UST: variants seen among roughly 807,000 people sequenced by gnomAD.
The protein encoded by UST is chondroitin sulfate 2-O-sulfotransferase.
UST carries 21 observed loss-of-function variants against 45.6 expected under a neutral mutation model. That is an observed-to-expected ratio of 0.46 (90% CI 0.33 to 0.66). UST has a LOEUF of 0.66. Among genes scored for constraint, UST ranks in the 30% least tolerant of loss-of-function variants. UST has a pLI of 0.02. For missense variants in UST, 463 were observed against 512.4 expected (o/e 0.90, Z 0.93); for synonymous variants, 215 against 200.6 (o/e 1.07, Z -0.61).
intron 1 of UST, among the ~76,000 whole-genome samples, chr6:148,771,899 C>T (rs1436059498): frequency 1.3e-5 from 2 of 152,172 alleles, no homozygotes; most frequent in African/African-American, 4.8e-5. Context: ...TGCACACTAG[C>T]TCATTGGGAA....
At chr6:148,770,502 T>C (rs1776404302) in intron 1 of UST, among the ~76,000 whole-genome samples, 1 of 151,990 alleles carries the variant, frequency 6.6e-6, no homozygotes, top group Non-Finnish European at 1.5e-5. Flanking sequence ...ACTTGTACGT[T>C]ACACTAACTG....
chr6:148,956,577 A>C (rs1156774515), intron 4 of UST, among the ~76,000 whole-genome samples: 3 of 152,196 alleles, frequency 2.0e-5, no homozygotes, highest in Non-Finnish European at 4.4e-5. Flanking sequence ...ACGGAGCCAA[A>C]ACATATCAGA....
intron 2 of UST, among the ~76,000 whole-genome samples, chr6:148,939,638 A>G (rs1780087616): frequency 6.6e-6 from 1 of 152,184 alleles, no homozygotes; most frequent in Non-Finnish European, 1.5e-5. Flanking sequence ...TTTTCAACAA[A>G]TGGTGCTGTG....
intron 4 of UST, chr6:148,955,988 T>C (rs1220774385): frequency 6.6e-6 from 1 of 152,234 alleles, no homozygotes; most frequent in Non-Finnish European, 1.5e-5. Flanking sequence ...CATTTAATTC[T>C]GAAAGGAAAA....
chr6:148,895,052 GTGAT>G (rs958880584), intron 2 of UST, among the ~76,000 whole-genome samples: 3 of 152,030 alleles, frequency 2.0e-5, no homozygotes, highest in African/African-American at 7.2e-5. Flanking sequence ...TCTTGACCTT[GTGAT>G]CCACCCACCT....
intron 2 of UST, among the ~76,000 whole-genome samples, chr6:148,888,258 G>A (rs537371917): frequency 3.3e-5 from 5 of 152,032 alleles, no homozygotes; most frequent in African/African-American, 4.8e-5. Context: ...ACTCACTGTC[G>A]CCATGACAGC....
At chr6:148,775,040 C>A (rs1320289941) in intron 1 of UST, among the ~76,000 whole-genome samples, 1 of 151,932 alleles carries the variant, frequency 6.6e-6, no homozygotes, top group African/African-American at 2.4e-5. Context: ...AAAAAGAGTG[C>A]ATGAAAGAAA....
At chr6:148,876,085 G>C (rs1032714675) in intron 1 of UST, among the ~76,000 whole-genome samples, 2 of 152,198 alleles carry the variant, frequency 1.3e-5, no homozygotes, top group Non-Finnish European at 2.9e-5. Flanking sequence ...AGGCTGTACA[G>C]AAAGTATGGT....
At chr6:149,046,826 C>G (rs1776404309) in intron 7 of UST, among the ~76,000 whole-genome samples, 1 of 152,182 alleles carries the variant, frequency 6.6e-6, no homozygotes, top group African/African-American at 2.4e-5. Flanking sequence ...ACAATTGTTC[C>G]AAAGTCTCTC....
intron 7 of UST, among the ~76,000 whole-genome samples, chr6:149,072,482 C>T (rs1419845501): frequency 6.6e-6 from 1 of 151,832 alleles, no homozygotes; most frequent in African/African-American, 2.4e-5. Flanking sequence ...GGAGAAACCC[C>T]ATCTCTACTA....
In UST at chr6:148,814,037, C is replaced by T. The variant is rs555758808; in HGVS notation, c.247+66360C>T. Reference sequence around the variant, plus strand: ...CCCATCTGGATGCATTTACACGATGCACTTTCCATCATTTCAAAATTTATT... The same window carrying T: ...CCCATCTGGATGCATTTACACGATGTACTTTCCATCATTTCAAAATTTATT... On this transcript the variant is annotated intron_variant, in intron 1 of 7. Transcript: ENST00000367463. 1.5e-3 allele frequency among the ~76,000 whole-genome samples: 232 copies of T among 152,290 alleles called. 3 individuals are homozygous for T. The highest frequency in any genetic ancestry group is 5.4e-3 in the African/African-American group (223 of 41,544).
chr6:148,797,581 A>G (rs545715881), intron 1 of UST, among the ~76,000 whole-genome samples: 85 of 152,330 alleles, frequency 5.6e-4, no homozygotes, highest in Admixed American at 1.6e-3. Flanking sequence ...GAAGACAGTA[A>G]GAAAAGTGAG....
intron 7 of UST, among the ~76,000 whole-genome samples, chr6:149,050,428 G>C (rs1400345015): frequency 6.6e-6 from 1 of 152,166 alleles, no homozygotes; most frequent in African/African-American, 2.4e-5. Flanking sequence ...AAGTCTTCAT[G>C]CTGTGATATC....
intron 7 of UST, among the ~76,000 whole-genome samples, chr6:149,059,434 CT>C (rs1776620705): frequency 6.6e-6 from 1 of 152,228 alleles, no homozygotes; most frequent in Admixed American, 6.5e-5. Context: ...TCAATGCCAC[CT>C]CCTTGTGATC....
intron 3 of UST, among the ~76,000 whole-genome samples, chr6:148,952,544 A>G (rs999223828): frequency 2.6e-5 from 4 of 152,352 alleles, no homozygotes; most frequent in South Asian, 2.1e-4. Context: ...AGCGTGTACT[A>G]GTTGGAGTTA....
At chr6:149,006,653 A>C (rs1205682648) in intron 5 of UST, among the ~76,000 whole-genome samples, 1 of 152,144 alleles carries the variant, frequency 6.6e-6, no homozygotes, top group Non-Finnish European at 1.5e-5. Context: ...CTGGTTGTAG[A>C]TCTTTGAGGA....
chr6:148,984,449 T>G (rs914647231), intron 5 of UST, among the ~76,000 whole-genome samples: 2 of 152,246 alleles, frequency 1.3e-5, no homozygotes, highest in African/African-American at 4.8e-5. Flanking sequence ...AAAAAGATAT[T>G]CTAAATATTT....
At chr6:148,930,433 C>T (rs944519482) in intron 2 of UST, among the ~76,000 whole-genome samples, 1 of 152,200 alleles carries the variant, frequency 6.6e-6, no homozygotes, top group African/African-American at 2.4e-5. Flanking sequence ...CAAATAATTA[C>T]AGCAGTCAAC....
At position 149,035,673 on chromosome 6, in the gene UST, G is replaced by A. The variant is rs144931131; in HGVS notation, c.937+14192G>A. Among the ~76,000 whole-genome samples the A allele has an allele frequency of 3.4e-4, 52 of 152,082 alleles. No individual in the cohort carries two copies. In the East Asian group the frequency reaches 5.8e-3, roughly 17 times the overall value. On this transcript the variant is annotated intron_variant, in intron 7 of 7. Transcript: ENST00000367463. ...TTTGAGAGGCTGAGGTGGGAGGATCGCTTGAGCCCCAGAGGCAGAGGTTGC... is the reference window on the plus strand; with the variant it reads ...TTTGAGAGGCTGAGGTGGGAGGATCACTTGAGCCCCAGAGGCAGAGGTTGC...
Sources: gnomAD v4.1 joint callset for allele counts (sites outside exome capture counted in the v4.1 genomes callset) on GRCh38, gnomAD v4.1.1 for gene constraint, MANE v1.5 for transcripts, NCBI Gene and HGNC (gene_info 2026-07-23, HGNC 2026-07-21) for gene names.